GAS7: variants seen among roughly 807,000 people sequenced by gnomAD.
The protein encoded by GAS7 is growth arrest-specific protein 7.
GAS7 carries 28 observed loss-of-function variants against 71.1 expected under a neutral mutation model. The observed-to-expected ratio is 0.39, with a 90% CI of 0.29 to 0.54. GAS7 has a LOEUF of 0.54. Ranked by LOEUF, GAS7 falls within the 20% of genes least tolerant of loss-of-function variation. The probability of loss-of-function intolerance (pLI) is 0.62; values close to 1 mark genes in which losing one functional copy is unlikely to be tolerated. For synonymous variants in GAS7, 258 were observed against 245.8 expected, an observed-to-expected ratio of 1.05 and a Z score of -0.46; for missense variants, 436 against 627.8, an observed-to-expected ratio of 0.69 and a Z score of 3.27.
chr17:9,956,325 G>C (rs1427595474), intron 5 of GAS7, among the ~76,000 whole-genome samples: 1 of 152,156 alleles, frequency 6.6e-6, no homozygotes, highest in Non-Finnish European at 1.5e-5. Flanking sequence ...CTGTGGAACA[G>C]AGAAGAAGAG....
intron 1 of GAS7, among the ~76,000 whole-genome samples, chr17:10,093,880 C>A (rs769011893): frequency 6.6e-6 from 1 of 152,090 alleles, no homozygotes; most frequent in Admixed American, 6.6e-5. Flanking sequence ...CATTTTAAAT[C>A]CTTTGCTGGT....
intron 1 of GAS7, among the ~76,000 whole-genome samples, chr17:10,077,512 A>G (rs2073407984): frequency 1.3e-5 from 2 of 152,204 alleles, no homozygotes; most frequent in South Asian, 4.1e-4. Flanking sequence ...AAGGCCCAGG[A>G]AGGCTCACAG....
intron 2 of GAS7, among the ~76,000 whole-genome samples, chr17:10,019,268 G>T (rs1036627916): frequency 6.6e-6 from 1 of 152,124 alleles, no homozygotes; most frequent in East Asian, 1.9e-4. Flanking sequence ...AAAACATCTG[G>T]AGAAATGCCA....
chr17:10,085,843 C>T (rs1273710506), intron 1 of GAS7, among the ~76,000 whole-genome samples: 5 of 152,132 alleles, frequency 3.3e-5, no homozygotes, highest in African/African-American at 9.7e-5. Flanking sequence ...AAGACACTGA[C>T]GCTGAGCAAG....
chr17:9,977,667 G>A (rs988505721), intron 3 of GAS7, among the ~76,000 whole-genome samples: 4 of 149,348 alleles, frequency 2.7e-5, no homozygotes, highest in African/African-American at 9.8e-5. Flanking sequence ...AGGATGGAAT[G>A]CAGGCAAAGT....
In GAS7 at chr17:9,919,995, G is replaced by C. The variant is rs1283002233; in HGVS notation, c.1139-290C>G. On this transcript the variant is annotated intron_variant, in intron 11 of 13. Transcript: ENST00000432992. This position sits in a 1 kb window ranked among gnomAD's most constrained non-coding sequence, Gnocchi z 5.0. ...TGTGTGTGTGTGTGTGTGTGTGTGT[G>C]TGTGTGTGTGTGTGTGTGTGTCTAG... 6.6e-6 allele frequency among the ~76,000 whole-genome samples: 1 copy of C among 150,760 alleles called. No homozygotes were observed. Among genetic ancestry groups the C allele is most frequent in the African/African-American group, 2.4e-5 (1 of 41,018 alleles).
At chr17:10,008,621 T>C (rs9905876) in intron 2 of GAS7, among the ~76,000 whole-genome samples, 35,376 of 152,018 alleles carry the variant, frequency 0.23, 5,328 homozygotes, top group African/African-American at 0.43. Context: ...AAACATTACA[T>C]GTTAGAACGG....
chr17:9,990,346 C>T (rs2070793665), intron 2 of GAS7, among the ~76,000 whole-genome samples: 1 of 152,206 alleles, frequency 6.6e-6, no homozygotes, highest in African/African-American at 2.4e-5. Flanking sequence ...GGGCTCTGCA[C>T]AATATGGCTG....
chr17:9,930,270 C>G (rs923970988), intron 9 of GAS7, among the ~76,000 whole-genome samples: 1 of 152,190 alleles, frequency 6.6e-6, no homozygotes, highest in Non-Finnish European at 1.5e-5. Flanking sequence ...GTTCTGAATG[C>G]TCACATAAAA....
At chr17:10,101,330 C>T (rs1005910754) in intron 1 of GAS7, among the ~76,000 whole-genome samples, 10 of 152,186 alleles carry the variant, frequency 6.6e-5, no homozygotes, top group African/African-American at 2.4e-4. Flanking sequence ...TTGCCACATG[C>T]GTCTCTCCCT....
At chr17:10,008,862 G>A (rs1275492104) in intron 2 of GAS7, among the ~76,000 whole-genome samples, 1 of 151,860 alleles carries the variant, frequency 6.6e-6, no homozygotes, top group East Asian at 1.9e-4. Flanking sequence ...CATCTTTTTA[G>A]TCTCACATTT....
chr17:10,163,301 G>A (rs779194259), intron 1 of GAS7, among the ~76,000 whole-genome samples: 30 of 151,932 alleles, frequency 2.0e-4, no homozygotes, highest in Non-Finnish European at 7.4e-5. Context: ...TAGTAGAGAC[G>A]GGGTGCGGGG....
intron 1 of GAS7, among the ~76,000 whole-genome samples, chr17:10,136,225 G>T (rs772661822): frequency 6.6e-6 from 1 of 152,326 alleles, no homozygotes; most frequent in Middle Eastern, 3.4e-3. Flanking sequence ...ATCCACGGGG[G>T]AGGCTGGGTG....
At chr17:9,979,681 T>A (rs2152127419) in intron 3 of GAS7, among the ~76,000 whole-genome samples, 1 of 151,850 alleles carries the variant, frequency 6.6e-6, no homozygotes, top group Non-Finnish European at 1.5e-5. Context: ...AGGCTGCGAG[T>A]CACACGTGCT....
chr17:9,948,929 C>G (rs140965017), intron 5 of GAS7, among the ~76,000 whole-genome samples: 1 of 152,304 alleles, frequency 6.6e-6, no homozygotes, highest in African/African-American at 2.4e-5. Context: ...CTTCTTGCAG[C>G]CCAAGCACCT....
chr17:10,133,975 T>G lies in GAS7; in HGVS notation c.183+64233A>C, dbSNP rs561124664. Among the ~76,000 whole-genome samples, 23 of 152,310 alleles carry G rather than the reference T, an allele frequency of 1.5e-4. No homozygotes were observed. In the East Asian group the frequency reaches 4.4e-3, roughly 29 times the overall value. The stretch of plus-strand genomic sequence containing the variant: ...AAACCAAAATGCTCCAATGACCATT[T>G]TCTTTGAGCATCATGACAGCACTGA... On this transcript the variant is annotated intron_variant, in intron 1 of 13. Coordinates refer to ENST00000432992, the MANE Select transcript of GAS7 (RefSeq NM_201433.2).
At chr17:9,927,492 CAA>C (rs1002837178) in intron 9 of GAS7, among the ~76,000 whole-genome samples, 14 of 149,536 alleles carry the variant, frequency 9.4e-5, no homozygotes, top group Non-Finnish European at 2.1e-4. Context: ...AAAAAAAAAA[CAA>C]AACAAACAAA....
chr17:9,951,347 C>A (rs527419094), intron 5 of GAS7, among the ~76,000 whole-genome samples: 3 of 152,314 alleles, frequency 2.0e-5, no homozygotes, highest in Non-Finnish European at 2.9e-5. Context: ...AGAGGCGGGT[C>A]TGAATGCTTC....
intron 1 of GAS7, among the ~76,000 whole-genome samples, chr17:10,084,598 C>G (rs1325287607): frequency 6.6e-6 from 1 of 152,134 alleles, no homozygotes; most frequent in African/African-American, 2.4e-5. Flanking sequence ...TCCCAAGTAG[C>G]TGAGATTACA....
Sources: gnomAD v4.1 joint callset for allele counts (sites outside exome capture counted in the v4.1 genomes callset) on GRCh38, gnomAD v4.1.1 for gene constraint, Gnocchi (gnomAD v3.1) non-coding constraint, MANE v1.5 for transcripts, NCBI Gene and HGNC (gene_info 2026-07-23, HGNC 2026-07-21) for gene names.